Variants in UNC50 observed in about 807,000 individuals in gnomAD.
The protein encoded by UNC50 is unc-50 inner nuclear membrane RNA binding protein.
In UNC50, 24 loss-of-function variants were observed where a neutral mutation model predicts 31.5. The ratio of observed to expected loss-of-function variants is 0.76; its 90% CI spans 0.55 to 1.07. The LOEUF is 1.07. Ranked by LOEUF, UNC50 falls within the 50% of genes least tolerant of loss-of-function variation. The probability of loss-of-function intolerance (pLI) is 0.00; values close to 1 mark genes in which losing one functional copy is unlikely to be tolerated. For missense variants in UNC50, 245 were observed against 304.2 expected, an observed-to-expected ratio of 0.81 and a Z score of 1.45; for synonymous variants, 118 against 114.7, an observed-to-expected ratio of 1.03 and a Z score of -0.18.
At position 98,616,360 on chromosome 2, in the gene UNC50, A is replaced by T; in HGVS notation, c.541+14A>T. On this transcript the variant is annotated intron_variant, in intron 4 of 5. Coordinates refer to ENST00000357765, the MANE Select transcript of UNC50 (RefSeq NM_014044.7). ...TTTTCATCAACCGTAAGTAGCAGTT[A>T]ATTAGAGTATTATCCAAGTCTTCAT... 1 of 1,613,774 alleles carries T rather than the reference A, an allele frequency of 6.2e-7. No individual in the cohort carries two copies. Among genetic ancestry groups the T allele is most frequent in the Non-Finnish European group, 8.5e-7 (1 of 1,179,812 alleles).
At chr2:98,610,948 T>G (rs1164161097) in intron 3 of UNC50, 53 bp downstream of exon 3, 2 of 1,565,760 alleles carry the variant, frequency 1.3e-6, no homozygotes, top group Admixed American at 1.9e-5. Flanking sequence ...CTCCATTTGT[T>G]TGCTTCAGAG....
In UNC50 at chr2:98,610,992, G is replaced by A. The variant is rs796388795; in HGVS notation, c.401+97G>A. Reference sequence around the variant, plus strand: ...GCAGCAGATGGAAATTGAAACCCAGGTAGAGTTACTAAATGATCAATTTTG... The same window carrying A: ...GCAGCAGATGGAAATTGAAACCCAGATAGAGTTACTAAATGATCAATTTTG... On this transcript the variant is annotated intron_variant, in intron 3 of 5. Transcript: ENST00000357765. The A allele has an allele frequency of 2.0e-5, 27 of 1,383,618 alleles. No homozygotes were observed. In the African/African-American group the frequency reaches 3.2e-4, roughly 16 times the overall value. 85.7% of individuals were successfully genotyped at this position (1,383,618 alleles called of 1,614,324 possible).
intron 3 of UNC50, among the ~76,000 whole-genome samples, chr2:98,611,989 CCA>C (rs150818166): frequency 0.016 from 2,231 of 143,002 alleles, 53 homozygotes; most frequent in African/African-American, 0.053. Context: ...CCCCCCACCG[CCA>C]CACACACACA....
chr2:98,609,616 T>G, intron 1 of UNC50, 140 bp from the exon 2 acceptor site: 1 of 1,360,824 alleles, frequency 7.3e-7, no homozygotes, highest in Non-Finnish European at 1.0e-6. Flanking sequence ...TAACTGCATT[T>G]GCTTTTGACT....
intron 2 of UNC50, 152 bp downstream of exon 2, chr2:98,610,191 T>C: frequency 3.5e-6 from 3 of 854,264 alleles, no homozygotes; most frequent in Non-Finnish European, 5.3e-6. Flanking sequence ...AAGAAAGTTG[T>C]AGTCTTGGTT....
At chr2:98,617,147 A>ATTATT (rs1553533780) in intron 5 of UNC50, among the ~76,000 whole-genome samples, 1 of 152,234 alleles carries the variant, frequency 6.6e-6, no homozygotes, top group Non-Finnish European at 1.5e-5. Context: ...AGGAACATAT[A>ATTATT]TTATTTTTCA....
chr2:98,618,126 T>TC, intron 5 of UNC50, 42 bp from the exon 6 acceptor site: 1 of 1,461,992 alleles, frequency 6.8e-7, no homozygotes, highest in Non-Finnish European at 9.1e-7. Context: ...GTCATTTATT[T>TC]TTTTTTTTTT....
chr2:98,614,188 G>T (rs112815015), intron 3 of UNC50, among the ~76,000 whole-genome samples: 6 of 152,356 alleles, frequency 3.9e-5, no homozygotes, highest in African/African-American at 1.4e-4. Context: ...GCAAAAGTTG[G>T]AGTAGTGAGT....
At chr2:98,618,127 T>TTTTA in intron 5 of UNC50, 41 bp from the exon 6 acceptor site, 5 of 1,443,224 alleles carry the variant, frequency 3.5e-6, no homozygotes, top group Non-Finnish European at 4.6e-6. Flanking sequence ...TCATTTATTT[T>TTTTA]TTTTTTTTTT....
chr2:98,608,772 C>T (rs1700758664), intron 1 of UNC50, 46 bp downstream of exon 1: 1 of 311,474 alleles, frequency 3.2e-6, no homozygotes, highest in Non-Finnish European at 6.1e-6. Flanking sequence ...CGGGCTCGCG[C>T]CGGGGGCCAT....
At chr2:98,617,939 A>T (rs894463011) in intron 5 of UNC50, among the ~76,000 whole-genome samples, 7 of 152,122 alleles carry the variant, frequency 4.6e-5, no homozygotes, top group African/African-American at 1.7e-4. Flanking sequence ...CTCTGTGCTG[A>T]AATAATTCCT....
Position 98,618,398 on chromosome 2 carries a change from A to ATATC in UNC50, c.*96_*99dup, listed in dbSNP as rs1352579758. On this transcript the variant is annotated 3_prime_UTR_variant, in exon 6 of 6. Transcript: ENST00000357765. ...TGTAAATAAACTATCATCTTTGTAG[A>ATATC]TATCTTAAAGGTGTAAAGTTTGCAA... The ATATC allele has an allele frequency of 4.0e-5, 55 of 1,379,288 alleles. No individual in the cohort carries two copies. Among genetic ancestry groups the ATATC allele is most frequent in the African/African-American group, 5.9e-5 (4 of 68,046 alleles). The allele number at this position is 1,379,288 out of a possible 1,614,324, so 85.4% of individuals were successfully genotyped here. A position where few individuals can be genotyped will look rare whatever the true frequency, so the allele number is the denominator to read the frequency against.
chr2:98,611,958 C>CA (rs1700837941), intron 3 of UNC50, among the ~76,000 whole-genome samples: 1 of 145,138 alleles, frequency 6.9e-6, no homozygotes, highest in South Asian at 2.1e-4. Flanking sequence ...CTCATACACA[C>CA]ACACCCTCCG....
intron 1 of UNC50, chr2:98,609,483 C>A: frequency 3.8e-6 from 2 of 530,938 alleles, no homozygotes; most frequent in Non-Finnish European, 6.8e-6. Flanking sequence ...GTCACATCAT[C>A]CCTGTCTCTG....
intron 5 of UNC50, among the ~76,000 whole-genome samples, chr2:98,617,218 C>CA (rs1444752807): frequency 6.6e-6 from 1 of 152,288 alleles, no homozygotes; most frequent in African/African-American, 2.4e-5. Context: ...CTGCGCTGTA[C>CA]GTTTCTTACC....
intron 3 of UNC50, among the ~76,000 whole-genome samples, chr2:98,614,326 G>GA (rs1299881054): frequency 2.0e-5 from 3 of 152,168 alleles, no homozygotes; most frequent in Non-Finnish European, 2.9e-5. Flanking sequence ...TATGAGGGGG[G>GA]ATCAGGAAGA....
Position 98,609,791 on chromosome 2 carries a change from T to C in UNC50, c.32T>C (p.Val11Ala), listed in dbSNP as rs750870221. The change falls in exon 2 of 6, where the codon GTG becomes GCG. Residue 11 changes from valine to alanine, a missense_variant. By Grantham distance (64) the Val-to-Ala change is moderately conservative. Transcript: ENST00000357765. Reference sequence around the variant, plus strand: ...CCGAGTACTTCAGTGAATTCCTTAGTGCAGGGGAACGGAGTCTTGAATTCC... The same window carrying C: ...CCGAGTACTTCAGTGAATTCCTTAGCGCAGGGGAACGGAGTCTTGAATTCC... The part of the protein sequence containing the change: MLPSTSVNSL[V>A]QGNGVLNSRD... 1.2e-6 allele frequency: 2 copies of C among 1,614,250 alleles called. No homozygotes were observed. The highest frequency in any genetic ancestry group is 2.2e-5 in the South Asian group (2 of 91,088).
chr2:98,614,103 G>GGT (rs1700882039), intron 3 of UNC50, among the ~76,000 whole-genome samples: 1 of 152,196 alleles, frequency 6.6e-6, no homozygotes, highest in Admixed American at 6.5e-5. Flanking sequence ...GGCAAAAGGA[G>GGT]GTGGGGAGCT....
intron 3 of UNC50, among the ~76,000 whole-genome samples, chr2:98,614,341 G>A (rs1700886385): frequency 6.6e-6 from 1 of 152,194 alleles, no homozygotes; most frequent in Non-Finnish European, 1.5e-5. Context: ...GGAAGAGGGA[G>A]TGGGTGGGAG....
Sources: allele counts gnomAD v4.1 joint callset (sites outside exome capture counted in the v4.1 genomes callset), GRCh38; gene constraint gnomAD v4.1.1; transcripts MANE v1.5; gene names NCBI Gene and HGNC (gene_info 2026-07-23, HGNC 2026-07-21).